SPAG16: variants seen among roughly 807,000 people sequenced by gnomAD.
SPAG16 encodes the protein sperm-associated antigen 16 protein.
A neutral mutation model predicts 80.4 loss-of-function variants in SPAG16; 86 were observed. The ratio of observed to expected loss-of-function variants is 1.07; its 90% CI spans 0.90 to 1.28. The LOEUF is 1.28. Among genes scored for constraint, SPAG16 ranks in the 50% most tolerant of loss-of-function variants. The pLI is 0.00. For missense variants in SPAG16, 870 were observed against 765.3 expected (o/e 1.14, Z -1.61); for synonymous variants, 294 against 265.9 (o/e 1.11, Z -1.03).
At chr2:214,293,325 G>A (rs1693926173) in intron 15 of SPAG16, among the ~76,000 whole-genome samples, 1 of 152,168 alleles carries the variant, frequency 6.6e-6, no homozygotes, top group East Asian at 1.9e-4. Flanking sequence ...CAAGTCCCTT[G>A]ACCTGCAGCT....
chr2:214,284,832 T>C (rs1010712528), intron 15 of SPAG16, among the ~76,000 whole-genome samples: 2 of 150,302 alleles, frequency 1.3e-5, no homozygotes, highest in African/African-American at 2.5e-5. Flanking sequence ...TGTGTGTGTG[T>C]GCATATGTAT....
intron 9 of SPAG16, among the ~76,000 whole-genome samples, chr2:213,415,617 A>T (rs1317255959): frequency 1.3e-5 from 2 of 152,204 alleles, no homozygotes; most frequent in Admixed American, 1.3e-4. Context: ...TAGTGTGTGT[A>T]TGAGAAACAG....
intron 15 of SPAG16, among the ~76,000 whole-genome samples, chr2:214,409,748 G>A (rs943625958): frequency 1.3e-5 from 2 of 152,114 alleles, no homozygotes; most frequent in East Asian, 3.9e-4. Context: ...CATAAATTTT[G>A]AAAGCTATGC....
intron 5 of SPAG16, among the ~76,000 whole-genome samples, chr2:213,332,545 A>G (rs1007272700): frequency 6.6e-6 from 1 of 152,080 alleles, no homozygotes; most frequent in Non-Finnish European, 1.5e-5. Context: ...CAAGACCCAT[A>G]TTACCCTGAT....
intron 10 of SPAG16, among the ~76,000 whole-genome samples, chr2:213,689,636 C>T (rs77270745): frequency 0.055 from 7,473 of 136,986 alleles, 602 homozygotes; most frequent in African/African-American, 0.18. Context: ...AGTTTGAAAA[C>T]ACTCATTATT....
chr2:213,294,680 C>A (rs1575102457), intron 1 of SPAG16, among the ~76,000 whole-genome samples: 3 of 152,078 alleles, frequency 2.0e-5, no homozygotes, highest in African/African-American at 7.2e-5. Context: ...AGTGTCCCTG[C>A]AAGGGATAGG....
At chr2:214,151,707 C>G (rs947717493) in intron 15 of SPAG16, among the ~76,000 whole-genome samples, 2 of 151,642 alleles carry the variant, frequency 1.3e-5, no homozygotes, top group Non-Finnish European at 3.0e-5. Context: ...TGTGACAGAA[C>G]TAAATTGTGC....
intron 10 of SPAG16, among the ~76,000 whole-genome samples, chr2:213,732,844 G>C (rs1225350354): frequency 6.6e-6 from 1 of 152,128 alleles, no homozygotes; most frequent in Non-Finnish European, 1.5e-5. Flanking sequence ...ACATATGCAT[G>C]CACATGTCTT....
intron 6 of SPAG16, among the ~76,000 whole-genome samples, chr2:213,342,340 T>TA (rs2064737643): frequency 1.4e-4 from 1 of 7,022 alleles, no homozygotes; most frequent in Non-Finnish European, 4.8e-4. Context: ...TATATATATA[T>TA]TACATATATG....
At chr2:213,572,784 C>T (rs1369609874) in intron 10 of SPAG16, among the ~76,000 whole-genome samples, 1 of 152,144 alleles carries the variant, frequency 6.6e-6, no homozygotes, top group African/African-American at 2.4e-5. Flanking sequence ...AGCTTCCTGG[C>T]TGCTTTGTTT....
chr2:214,149,221 G>T lies in SPAG16; in HGVS notation c.1675G>T (p.Asp559Tyr). Residue 559 changes from aspartate to tyrosine, a missense_variant, in exon 15 of 16, where the codon GAT (aspartate) becomes TAT (tyrosine). Asp to Tyr is a radical substitution (Grantham distance 160, BLOSUM62 -3). Transcript: ENST00000331683. ...GAAGCTGTTACCAATTGTGTCCATC[G>T]ATATAGGTCCAAGTCCTGGCAATGA... Reference protein sequence around the residue: ...FRKLLPIVSIDIGPSPGNEVN... With the variant: ...FRKLLPIVSIYIGPSPGNEVN... 1 of 1,598,346 alleles carries T rather than the reference G, an allele frequency of 6.3e-7. No individual in the cohort carries two copies. The highest frequency in any genetic ancestry group is 1.1e-5 in the South Asian group (1 of 89,748).
intron 15 of SPAG16, among the ~76,000 whole-genome samples, chr2:214,250,849 C>T (rs568983064): frequency 7.0e-6 from 1 of 142,608 alleles, no homozygotes; most frequent in Non-Finnish European, 1.5e-5. Flanking sequence ...TTTTGTTATT[C>T]GTTTCTCTAA....
At chr2:213,963,104 T>G (rs1195424593) in intron 12 of SPAG16, among the ~76,000 whole-genome samples, 1 of 138,032 alleles carries the variant, frequency 7.2e-6, no homozygotes, top group South Asian at 2.4e-4. Context: ...TTTTTTTTTT[T>G]TTTTAATGTC....
intron 10 of SPAG16, among the ~76,000 whole-genome samples, chr2:213,621,220 T>C (rs1314781725): frequency 1.3e-5 from 2 of 152,198 alleles, no homozygotes; most frequent in African/African-American, 4.8e-5. Flanking sequence ...AATATTTAGA[T>C]TGATCTTTTT....
intron 10 of SPAG16, among the ~76,000 whole-genome samples, chr2:213,559,519 T>G (rs1459265522): frequency 6.6e-6 from 1 of 152,184 alleles, no homozygotes; most frequent in African/African-American, 2.4e-5. Flanking sequence ...CCTACAGATT[T>G]AATCAAACCA....
At chr2:214,402,391 A>T (rs4287767) in intron 15 of SPAG16, among the ~76,000 whole-genome samples, 127,300 of 151,858 alleles carry the variant, frequency 0.84, 53,411 homozygotes, top group Middle Eastern at 0.88. Flanking sequence ...CTACCTTAGA[A>T]GATTTTACTT....
chr2:213,524,047 G>A (rs2075788023), intron 10 of SPAG16, among the ~76,000 whole-genome samples: 1 of 152,256 alleles, frequency 6.6e-6, no homozygotes, highest in South Asian at 2.1e-4. Context: ...CTCATCTCAG[G>A]CCCAGAGACT....
intron 10 of SPAG16, among the ~76,000 whole-genome samples, chr2:213,782,527 A>T (rs2070059853): frequency 6.6e-6 from 1 of 152,222 alleles, no homozygotes; most frequent in Admixed American, 6.5e-5. Flanking sequence ...CCTTTCAAAA[A>T]GAAATTACAT....
intron 15 of SPAG16, among the ~76,000 whole-genome samples, chr2:214,159,006 T>G (rs1396068700): frequency 2.4e-4 from 36 of 152,098 alleles, no homozygotes; most frequent in Non-Finnish European, 1.5e-5. Flanking sequence ...TCAAAAGATT[T>G]GTATCTATGT....
Sources: allele counts gnomAD v4.1 joint callset (sites outside exome capture counted in the v4.1 genomes callset), GRCh38; gene constraint gnomAD v4.1.1; transcripts MANE v1.5; gene names NCBI Gene and HGNC (gene_info 2026-07-23, HGNC 2026-07-21).